The following ASIC2 variants were observed in gnomAD, a reference collection of about 807,000 sequenced individuals.
ASIC2 encodes the protein acid sensing ion channel subunit 2, also known as acid-sensing ion channel 2.
ASIC2 carries 25 observed loss-of-function variants against 57.3 expected under a neutral mutation model. The observed-to-expected ratio is 0.44, with a 90% CI of 0.32 to 0.61. The LOEUF (loss-of-function observed/expected upper bound fraction) is 0.61, where lower values mean the gene tolerates loss of function less well. Among genes scored for constraint, ASIC2 ranks in the 20% least tolerant of loss-of-function variants. The probability of loss-of-function intolerance (pLI) is 0.06; values close to 1 mark genes in which losing one functional copy is unlikely to be tolerated. For missense variants in ASIC2, 641 were observed against 738.1 expected (o/e 0.87, Z 1.52); for synonymous variants, 319 against 307.5 (o/e 1.04, Z -0.39).
intron 1 of ASIC2, among the ~76,000 whole-genome samples, chr17:33,574,543 A>C (rs746896386): frequency 1.3e-5 from 2 of 152,176 alleles, no homozygotes; most frequent in African/African-American, 2.4e-5. Flanking sequence ...TACTCACTAC[A>C]TGACAGTAGC....
chr17:33,772,893 C>T (rs1911157444), intron 1 of ASIC2, among the ~76,000 whole-genome samples: 1 of 152,096 alleles, frequency 6.6e-6, no homozygotes, highest in South Asian at 2.1e-4. Flanking sequence ...GGATACTTCC[C>T]AAAGAATGAG....
intron 1 of ASIC2, among the ~76,000 whole-genome samples, chr17:33,505,455 T>C (rs1401792613): frequency 1.3e-5 from 2 of 152,164 alleles, no homozygotes; most frequent in African/African-American, 2.4e-5. Context: ...TAAACATTAT[T>C]GTTTATTGCC....
At chr17:34,080,795 T>C (rs908978794) in intron 1 of ASIC2, 8 of 152,218 alleles carry the variant, frequency 5.3e-5, no homozygotes, top group African/African-American at 1.9e-4. Flanking sequence ...ATTGAATGAA[T>C]TAGCAGCAAG....
chr17:33,875,813 A>G (rs1597912084), intron 1 of ASIC2, among the ~76,000 whole-genome samples: 1 of 152,044 alleles, frequency 6.6e-6, no homozygotes, highest in Admixed American at 6.6e-5. Flanking sequence ...TTAAAGAACA[A>G]TCTCCTTGAA....
chr17:33,722,800 A>C (rs1432952068), intron 1 of ASIC2, among the ~76,000 whole-genome samples: 1 of 152,152 alleles, frequency 6.6e-6, no homozygotes, highest in Non-Finnish European at 1.5e-5. Flanking sequence ...AAGATATCCA[A>C]AGCACCAATA....
intron 1 of ASIC2, among the ~76,000 whole-genome samples, chr17:33,487,095 G>C (rs1913598069): frequency 6.6e-6 from 1 of 152,148 alleles, no homozygotes; most frequent in East Asian, 1.9e-4. Context: ...GATTTTGTGA[G>C]GCTTTCTTTG....
chr17:34,069,344 TTTTTTCTTTC>T (rs1909305356), intron 1 of ASIC2: 1 of 46,456 alleles, frequency 2.2e-5, no homozygotes, highest in Non-Finnish European at 4.8e-5. Flanking sequence ...TTTCTTTCAT[TTTTTTCTTTC>T]TTTTTCTTTC....
intron 1 of ASIC2, among the ~76,000 whole-genome samples, chr17:34,098,164 A>G (rs1000238187): frequency 6.6e-6 from 1 of 152,188 alleles, no homozygotes; most frequent in Non-Finnish European, 1.5e-5. Context: ...AGGGAGAAAG[A>G]TATGTGACCA....
intron 1 of ASIC2, among the ~76,000 whole-genome samples, chr17:33,260,140 A>G (rs533757971): frequency 6.6e-6 from 1 of 152,288 alleles, no homozygotes; most frequent in African/African-American, 2.4e-5. Flanking sequence ...CCCTGCCTCT[A>G]AAAAAGAAAA....
intron 1 of ASIC2, among the ~76,000 whole-genome samples, chr17:34,084,637 T>A (rs1447382912): frequency 6.6e-6 from 1 of 152,204 alleles, no homozygotes. Context: ...TTGGGCAGTA[T>A]GGCCATTTTC....
chr17:33,962,560 C>T (rs915129895), intron 1 of ASIC2, among the ~76,000 whole-genome samples: 1 of 152,118 alleles, frequency 6.6e-6, no homozygotes, highest in Non-Finnish European at 1.5e-5. Flanking sequence ...TGGGATGTCT[C>T]TTCTGTTATC....
At chr17:33,362,784 A>G (rs1300857423) in intron 1 of ASIC2, among the ~76,000 whole-genome samples, 3 of 152,238 alleles carry the variant, frequency 2.0e-5, no homozygotes, top group Admixed American at 1.3e-4. Context: ...CTTCAAATGT[A>G]TATGTATTAC....
chr17:33,124,513 A>G (rs1306603037), intron 1 of ASIC2, among the ~76,000 whole-genome samples: 1 of 152,206 alleles, frequency 6.6e-6, no homozygotes, highest in East Asian at 1.9e-4. Context: ...TTGGCAAGTT[A>G]GATAAACACT....
chr17:33,719,898 G>A (rs577894745), intron 1 of ASIC2, among the ~76,000 whole-genome samples: 17 of 152,292 alleles, frequency 1.1e-4, no homozygotes, highest in African/African-American at 4.1e-4. Context: ...AATTTTTTTA[G>A]AAACAAGAGT....
chr17:33,177,735 T>C (rs1418604016), intron 1 of ASIC2, among the ~76,000 whole-genome samples: 1 of 152,156 alleles, frequency 6.6e-6, no homozygotes, highest in Non-Finnish European at 1.5e-5. Context: ...AATCAATGCC[T>C]GGGAATCTGG....
chr17:33,730,522 G>T (rs1325893318), intron 1 of ASIC2, among the ~76,000 whole-genome samples: 1 of 152,220 alleles, frequency 6.6e-6, no homozygotes, highest in Non-Finnish European at 1.5e-5. Flanking sequence ...TTCAGGAATA[G>T]ATATGAGTGA....
intron 7 of ASIC2, among the ~76,000 whole-genome samples, chr17:33,020,467 A>T (rs2091830868): frequency 6.6e-6 from 1 of 152,136 alleles, no homozygotes; most frequent in Admixed American, 6.5e-5. Context: ...TCTGGTTTAC[A>T]GGCATCAGAT....
At chr17:33,633,048 A>G (rs796750840) in intron 1 of ASIC2, among the ~76,000 whole-genome samples, 4 of 152,276 alleles carry the variant, frequency 2.6e-5, no homozygotes, top group African/African-American at 9.6e-5. Flanking sequence ...TCCAGCACAA[A>G]GCCTCCTCCC....
chr17:33,968,094 C>T (rs1029938431), intron 1 of ASIC2, among the ~76,000 whole-genome samples: 1 of 152,160 alleles, frequency 6.6e-6, no homozygotes, highest in African/African-American at 2.4e-5. Context: ...GGGTGGCAGA[C>T]CCACACTCTG....
Sources: allele counts gnomAD v4.1 joint callset (sites outside exome capture counted in the v4.1 genomes callset), GRCh38; gene constraint gnomAD v4.1.1; transcripts MANE v1.5; gene names NCBI Gene and HGNC (gene_info 2026-07-23, HGNC 2026-07-21).